The following FAM110B variants were observed in gnomAD, a reference collection of about 807,000 sequenced individuals.
The protein encoded by FAM110B is protein FAM110B.
A neutral mutation model predicts 20.4 loss-of-function variants in FAM110B; 6 were observed. The observed-to-expected ratio is 0.29, with a 90% confidence interval of 0.16 to 0.58. The LOEUF is 0.58. Ranked by LOEUF, FAM110B falls within the 20% of genes least tolerant of loss-of-function variation. The probability of loss-of-function intolerance (pLI) is 0.90; values close to 1 mark genes in which losing one functional copy is unlikely to be tolerated. For missense variants in FAM110B, 434 were observed against 498.2 expected, an observed-to-expected ratio of 0.87 and a Z score of 1.23; for synonymous variants, 226 against 214.1, an observed-to-expected ratio of 1.06 and a Z score of -0.49.
rs80128968 is a variant in FAM110B at position 58,071,879 on chromosome 8, C to T, written c.-413-3656C>T. Among the ~76,000 whole-genome samples, 411 of 152,310 alleles carry T rather than the reference C, an allele frequency of 2.7e-3. 4 individuals carry two copies. Among genetic ancestry groups the T allele is most frequent in the African/African-American group, 9.5e-3 (396 of 41,564 alleles). ...GAACCTGGGAACAGTCGTTCTACTTCACATTCCACTTCCTTGATACAAACC... is the reference window on the plus strand; with the variant it reads ...GAACCTGGGAACAGTCGTTCTACTTTACATTCCACTTCCTTGATACAAACC... On this transcript the variant is annotated intron_variant, in intron 2 of 3. Transcript: ENST00000519262.
intron 3 of FAM110B, among the ~76,000 whole-genome samples, chr8:58,086,516 G>A (rs779069181): frequency 5.9e-4 from 90 of 151,980 alleles, no homozygotes; most frequent in Non-Finnish European, 1.2e-3. Context: ...TTTTTCAGAC[G>A]ACTGAAACCT....
At chr8:58,048,503 C>G (rs1476912782) in intron 2 of FAM110B, among the ~76,000 whole-genome samples, 1 of 152,166 alleles carries the variant, frequency 6.6e-6, no homozygotes, top group African/African-American at 2.4e-5. Flanking sequence ...CTTCCTTCCC[C>G]CTGCCCTCCT....
At chr8:58,065,263 C>G (rs1432263019) in intron 2 of FAM110B, among the ~76,000 whole-genome samples, 3 of 152,244 alleles carry the variant, frequency 2.0e-5, no homozygotes, top group East Asian at 3.9e-4. Flanking sequence ...ATTATCAGAA[C>G]CTCCATATAA....
intron 1 of FAM110B, among the ~76,000 whole-genome samples, chr8:58,016,115 G>T (rs2150567685): frequency 6.6e-6 from 1 of 152,216 alleles, no homozygotes. Flanking sequence ...TGTCTCTTTG[G>T]TGGATTTGGC....
intron 3 of FAM110B, among the ~76,000 whole-genome samples, chr8:58,079,305 A>G (rs974150248): frequency 6.6e-6 from 1 of 152,208 alleles, no homozygotes; most frequent in Non-Finnish European, 1.5e-5. Context: ...TTCTCTGGGA[A>G]AAGAAGCAGG....
intron 2 of FAM110B, among the ~76,000 whole-genome samples, chr8:58,072,811 T>A (rs1201310776): frequency 6.6e-6 from 1 of 152,216 alleles, no homozygotes; most frequent in Non-Finnish European, 1.5e-5. Flanking sequence ...GGTCACCAGT[T>A]TAAAAACTGA....
intron 1 of FAM110B, among the ~76,000 whole-genome samples, chr8:58,002,582 T>C (rs1424295731): frequency 6.6e-6 from 1 of 152,196 alleles, no homozygotes; most frequent in Non-Finnish European, 1.5e-5. Flanking sequence ...CTGGCATACC[T>C]TGGAGACAAA....
chr8:58,141,112 G>A (rs920624011), intron 3 of FAM110B, among the ~76,000 whole-genome samples: 4 of 152,308 alleles, frequency 2.6e-5, no homozygotes, highest in East Asian at 1.9e-4. Flanking sequence ...ACAAGGATGC[G>A]ACTGTTCTTA....
chr8:58,127,561 A>C (rs1275651211), intron 3 of FAM110B, among the ~76,000 whole-genome samples: 1 of 152,202 alleles, frequency 6.6e-6, no homozygotes, highest in Non-Finnish European at 1.5e-5. Context: ...AATAATCTAC[A>C]CAAAAATGTA....
chr8:58,000,038 A>G (rs978341159), intron 1 of FAM110B, among the ~76,000 whole-genome samples: 1 of 152,232 alleles, frequency 6.6e-6, no homozygotes, highest in African/African-American at 2.4e-5. Context: ...AAGCCTGAAG[A>G]AGAATACACA....
At chr8:57,998,221 G>T (rs901990907) in intron 1 of FAM110B, among the ~76,000 whole-genome samples, 2 of 152,166 alleles carry the variant, frequency 1.3e-5, no homozygotes, top group Non-Finnish European at 2.9e-5. Flanking sequence ...AAGATCACTT[G>T]TTTTAGGAAG....
intron 3 of FAM110B, among the ~76,000 whole-genome samples, chr8:58,105,623 C>T (rs554568284): frequency 1.6e-5 from 2 of 123,960 alleles, no homozygotes; most frequent in Non-Finnish European, 1.6e-5. Context: ...GGCTGGAGTG[C>T]AGTGGTGCGA....
intron 1 of FAM110B, among the ~76,000 whole-genome samples, chr8:58,023,816 C>A (rs2150570414): frequency 6.6e-6 from 1 of 152,264 alleles, no homozygotes; most frequent in African/African-American, 2.4e-5. Flanking sequence ...CAGTAATGTG[C>A]TAGCTTTGAA....
At chr8:58,077,139 C>T (rs1806056154) in intron 3 of FAM110B, 1 of 152,112 alleles carries the variant, frequency 6.6e-6, no homozygotes, top group Admixed American at 6.5e-5. Context: ...ATAAGAAGCT[C>T]TGATACGAAA....
At chr8:58,143,691 T>A (rs181059212) in intron 3 of FAM110B, among the ~76,000 whole-genome samples, 202 of 152,328 alleles carry the variant, frequency 1.3e-3, no homozygotes, top group African/African-American at 4.5e-3. Context: ...ACAGTCAGGC[T>A]TTTTATTCAG....
chr8:58,136,574 T>A (rs1397831327), intron 3 of FAM110B, among the ~76,000 whole-genome samples: 1 of 152,182 alleles, frequency 6.6e-6, no homozygotes, highest in Non-Finnish European at 1.5e-5. Context: ...CTTAAAGTAA[T>A]TTTCATCAAG....
intron 2 of FAM110B, among the ~76,000 whole-genome samples, chr8:58,047,593 T>TCC (rs1805352873): frequency 5.8e-5 from 5 of 86,440 alleles, no homozygotes; most frequent in Admixed American, 5.0e-4. Context: ...TCCTTTTTCC[T>TCC]CTCTCTCTCT....
intron 3 of FAM110B, among the ~76,000 whole-genome samples, chr8:58,117,458 C>A (rs936880203): frequency 4.6e-5 from 7 of 152,168 alleles, no homozygotes; most frequent in African/African-American, 1.7e-4. Context: ...AACCTCTCAG[C>A]ACCTCAATTT....
chr8:58,039,746 AACATACACACAC>A (rs900874633), intron 2 of FAM110B, among the ~76,000 whole-genome samples: 2 of 152,182 alleles, frequency 1.3e-5, no homozygotes, highest in South Asian at 2.1e-4. Context: ...TATATATTTA[AACATACACACAC>A]ACATACACAC....
Sources: allele counts gnomAD v4.1 joint callset (sites outside exome capture counted in the v4.1 genomes callset), GRCh38; gene constraint gnomAD v4.1.1; transcripts MANE v1.5; gene names NCBI Gene and HGNC (gene_info 2026-07-23, HGNC 2026-07-21).